The following APBB2 variants were observed in gnomAD, a reference collection of about 807,000 sequenced individuals.
The protein encoded by APBB2 is amyloid beta precursor protein binding family B member 2, also known as Fe65-like 1.
A neutral mutation model predicts 82.5 loss-of-function variants in APBB2; 38 were observed. That is an observed-to-expected ratio of 0.46 (90% CI 0.36 to 0.60). APBB2 has a LOEUF of 0.60. Among genes scored for constraint, APBB2 ranks in the 20% least tolerant of loss-of-function variants. The probability of loss-of-function intolerance (pLI) is 0.00; values close to 1 mark genes in which losing one functional copy is unlikely to be tolerated. For missense variants in APBB2, 772 were observed against 972.3 expected, an observed-to-expected ratio of 0.79 and a Z score of 2.74; for synonymous variants, 341 against 368.2, an observed-to-expected ratio of 0.93 and a Z score of 0.85.
intron 10 of APBB2, among the ~76,000 whole-genome samples, chr4:40,915,647 T>C (rs570026532): frequency 6.6e-6 from 1 of 152,132 alleles, no homozygotes; most frequent in Non-Finnish European, 1.5e-5. Flanking sequence ...ATGAACTCAG[T>C]GAGTTCATAA....
At chr4:41,196,453 A>G in intron 1 of APBB2, among the ~76,000 whole-genome samples, 3 of 152,274 alleles carry the variant, frequency 2.0e-5, no homozygotes, top group East Asian at 3.9e-4. Flanking sequence ...AACACATTCA[A>G]TGCAAAAAAA....
chr4:40,865,689 G>A (rs192064881), intron 12 of APBB2, among the ~76,000 whole-genome samples: 3 of 152,256 alleles, frequency 2.0e-5, no homozygotes, highest in East Asian at 1.9e-4. Context: ...CAGTTGATAG[G>A]TATTTTACTC....
chr4:40,948,290 A>T (rs142565265), intron 6 of APBB2, among the ~76,000 whole-genome samples: 51 of 152,292 alleles, frequency 3.3e-4, no homozygotes, highest in African/African-American at 1.2e-3. Flanking sequence ...TCTACATAGA[A>T]CTACACATTT....
intron 4 of APBB2, among the ~76,000 whole-genome samples, chr4:41,057,815 C>T (rs1728354215): frequency 6.6e-6 from 1 of 152,254 alleles, no homozygotes. Context: ...GGAGGCTGCT[C>T]GCAGAAGATA....
chr4:41,159,961 GAGAAGAAGAAGAAGAAGAAGAAGA>G (rs1161043741), intron 1 of APBB2, among the ~76,000 whole-genome samples: 682 of 31,994 alleles, frequency 0.021, 42 homozygotes, highest in Non-Finnish European at 0.032. Flanking sequence ...GAAGGAGAAG[GAGAAGAAGAAGAAGAAGAAGAAGA>G]AGAAGAAGAA....
chr4:40,884,416 A>T (rs1216443161), intron 12 of APBB2, among the ~76,000 whole-genome samples: 1 of 152,248 alleles, frequency 6.6e-6, no homozygotes. Flanking sequence ...AAAGAAGTCA[A>T]AACAAAGCAG....
At chr4:41,069,765 A>G (rs1733189198) in intron 3 of APBB2, among the ~76,000 whole-genome samples, 1 of 152,234 alleles carries the variant, frequency 6.6e-6, no homozygotes, top group South Asian at 2.1e-4. Context: ...GAGAACAGAA[A>G]TAGTCTATTT....
intron 2 of APBB2, among the ~76,000 whole-genome samples, chr4:41,140,249 A>C (rs975133852): frequency 1.3e-5 from 2 of 152,212 alleles, no homozygotes; most frequent in African/African-American, 2.4e-5. Context: ...AATTGTATTC[A>C]GAGTAAATAA....
chr4:41,134,946 T>C (rs982000240), intron 2 of APBB2, among the ~76,000 whole-genome samples: 1 of 152,206 alleles, frequency 6.6e-6, no homozygotes, highest in Non-Finnish European at 1.5e-5. Context: ...ACATTCCTTA[T>C]CACTCATATG....
intron 1 of APBB2, among the ~76,000 whole-genome samples, chr4:41,169,829 G>A (rs185083596): frequency 6.8e-6 from 1 of 147,678 alleles, no homozygotes; most frequent in Non-Finnish European, 1.5e-5. Flanking sequence ...AATAGGGGGG[G>A]AAAAAAGGAA....
intron 2 of APBB2, among the ~76,000 whole-genome samples, chr4:41,119,449 G>A (rs749331763): frequency 5.4e-5 from 8 of 149,050 alleles, no homozygotes; most frequent in Middle Eastern, 3.3e-3. Flanking sequence ...AACATACCCA[G>A]GAAGGAATTT....
chr4:41,061,470 T>C (rs1729806222), intron 4 of APBB2, among the ~76,000 whole-genome samples: 1 of 152,164 alleles, frequency 6.6e-6, no homozygotes, highest in South Asian at 2.1e-4. Context: ...CTGTACAGCG[T>C]GTTACTGTAC....
At chr4:41,109,247 G>A (rs891189814) in intron 2 of APBB2, among the ~76,000 whole-genome samples, 2 of 151,804 alleles carry the variant, frequency 1.3e-5, no homozygotes, top group African/African-American at 4.8e-5. Flanking sequence ...CTAGGCGACA[G>A]GGCAAGACCC....
intron 2 of APBB2, among the ~76,000 whole-genome samples, chr4:41,125,860 C>T (rs2154000330): frequency 6.6e-6 from 1 of 152,306 alleles, no homozygotes; most frequent in South Asian, 2.1e-4. Flanking sequence ...ACCCTGGCAT[C>T]CCATGCACAT....
chr4:40,843,249 G>A (rs1756471348), intron 12 of APBB2, among the ~76,000 whole-genome samples: 1 of 152,208 alleles, frequency 6.6e-6, no homozygotes, highest in Non-Finnish European at 1.5e-5. Flanking sequence ...GTTCTCTCGG[G>A]CACTCTATGG....
intron 12 of APBB2, among the ~76,000 whole-genome samples, chr4:40,833,757 A>C (rs1030584028): frequency 1.3e-5 from 2 of 152,074 alleles, no homozygotes; most frequent in Non-Finnish European, 2.9e-5. Flanking sequence ...ATGATTTCCA[A>C]GTCCCTCCCC....
intron 2 of APBB2, among the ~76,000 whole-genome samples, chr4:41,131,020 T>C (rs1755818442): frequency 6.6e-6 from 1 of 152,184 alleles, no homozygotes. Context: ...GGCCCTGAAG[T>C]ACTGACAAGG....
chr4:41,183,592 T>C (rs912451670), intron 1 of APBB2, among the ~76,000 whole-genome samples: 1 of 152,078 alleles, frequency 6.6e-6, no homozygotes, highest in African/African-American at 2.4e-5. Context: ...CAGAGATCTA[T>C]AAGCCAAGGA....
intron 2 of APBB2, among the ~76,000 whole-genome samples, chr4:41,135,169 CAAAAAA>C (rs5857778): frequency 1.0e-5 from 1 of 99,580 alleles, no homozygotes; most frequent in Non-Finnish European, 2.0e-5. Context: ...CTTGAGCCCT[CAAAAAA>C]AAAAAAAAAA....
Sources: allele counts gnomAD v4.1 joint callset (sites outside exome capture counted in the v4.1 genomes callset), GRCh38; gene constraint gnomAD v4.1.1; transcripts MANE v1.5; gene names NCBI Gene and HGNC (gene_info 2026-07-23, HGNC 2026-07-21).